FAM174A: variants seen among roughly 807,000 people sequenced by gnomAD.
The protein encoded by FAM174A is family with sequence similarity 174 member A.
A neutral mutation model predicts 14.3 loss-of-function variants in FAM174A; 14 were observed. That is an observed-to-expected ratio of 0.98 (90% CI 0.65 to 1.53). FAM174A has a LOEUF of 1.53. Ranked by LOEUF, FAM174A falls within the 40% of genes most tolerant of loss-of-function variation. FAM174A has a pLI of 0.00. For synonymous variants in FAM174A, 108 were observed against 111.4 expected (o/e 0.97, Z 0.19); for missense variants, 241 against 249.6 (o/e 0.97, Z 0.23).
chr5:100,566,140 T>TTATATATA (rs1580373368), intron 2 of FAM174A, among the ~76,000 whole-genome samples: 3 of 8,078 alleles, frequency 3.7e-4, no homozygotes, highest in Non-Finnish European at 8.3e-4. Context: ...TTGAAAAGTA[T>TTATATATA]GATATATATA....
intron 2 of FAM174A, among the ~76,000 whole-genome samples, chr5:100,571,661 A>AGTGT (rs1408877377): frequency 2.9e-4 from 35 of 120,682 alleles, no homozygotes; most frequent in African/African-American, 1.0e-3. Flanking sequence ...TATATACCTA[A>AGTGT]GTGTGTGTGT....
intron 1 of FAM174A, among the ~76,000 whole-genome samples, chr5:100,558,969 A>G (rs903550350): frequency 1.3e-5 from 2 of 152,016 alleles, no homozygotes; most frequent in Non-Finnish European, 2.9e-5. Context: ...TGTGAATTTG[A>G]TCCTGTCATT....
chr5:100,565,142 T>C (rs1358410845), intron 2 of FAM174A, among the ~76,000 whole-genome samples: 1 of 151,820 alleles, frequency 6.6e-6, no homozygotes, highest in Non-Finnish European at 1.5e-5. Flanking sequence ...TTCAGCAGCA[T>C]ATTAAAATGA....
intron 1 of FAM174A, among the ~76,000 whole-genome samples, chr5:100,555,713 G>T (rs929100644): frequency 1.6e-4 from 24 of 152,174 alleles, no homozygotes; most frequent in Admixed American, 1.4e-3. Flanking sequence ...GTGTGTGTTG[G>T]CTGCATAAAT....
intron 2 of FAM174A, among the ~76,000 whole-genome samples, chr5:100,569,234 T>G (rs1746725590): frequency 6.6e-6 from 1 of 151,908 alleles, no homozygotes; most frequent in South Asian, 2.1e-4. Flanking sequence ...TATTATACTT[T>G]TTTGTTGTAT....
chr5:100,571,051 C>T (rs942184188), intron 2 of FAM174A, among the ~76,000 whole-genome samples: 1 of 151,398 alleles, frequency 6.6e-6, no homozygotes, highest in African/African-American at 2.4e-5. Context: ...TGTCATGGTA[C>T]CCTTCTATAT....
rs1287381922 is a variant in FAM174A, at chr5:100,535,538, C to G, written c.8C>G (p.Ala3Gly). The G allele has an allele frequency of 6.2e-7, 1 of 1,612,804 alleles. No homozygotes were observed. The highest frequency in any genetic ancestry group is 8.5e-7 in the Non-Finnish European group (1 of 1,179,826). MK[A>G]SQCCCCLSHL... is the part of the protein sequence containing the mutation. ...GAGAGCGGTCCGGGAACGATGAAGG[C>G]CTCGCAGTGCTGCTGCTGTCTCAGC... The change falls in exon 1 of 3, where the codon GCC becomes GGC. Residue 3 changes from alanine (A) to glycine (G), a missense_variant. Physicochemically the swap from Ala to Gly is moderately conservative, Grantham distance 60. Transcript: ENST00000312637.
At chr5:100,539,096 C>T (rs1294190310) in intron 1 of FAM174A, among the ~76,000 whole-genome samples, 1 of 151,904 alleles carries the variant, frequency 6.6e-6, no homozygotes, top group African/African-American at 2.4e-5. Context: ...AAAAAAATCT[C>T]TATGCTCTTT....
At position 100,535,497 on chromosome 5, in the gene FAM174A, G is replaced by A. The variant is rs767213808; in HGVS notation, c.-34G>A. 6.2e-7 allele frequency: 1 copy of A among 1,603,966 alleles called. No homozygotes were observed. The highest frequency in any genetic ancestry group is 8.5e-7 in the Non-Finnish European group (1 of 1,174,912). On this transcript the variant is annotated 5_prime_UTR_variant, in exon 1 of 3. Coordinates refer to ENST00000312637, the MANE Select transcript of FAM174A (RefSeq NM_198507.3). ...TTGGAGCCAGCGTGGCGGGCCTGGC[G>A]GCTCCCGGGTGGTGAGAGAGCGGTC...
Position 100,569,204 on chromosome 5 carries a change from G to A in FAM174A, c.569+7016G>A, listed in dbSNP as rs144729497. ...GTTTACCTCATTTCTTACATAAGAT[G>A]TAATATGCTATATATGCTGTATTAT... On this transcript the variant is annotated intron_variant, in intron 2 of 2. Coordinates refer to ENST00000312637, the MANE Select transcript of FAM174A (RefSeq NM_198507.3). Among the ~76,000 whole-genome samples, 88 of 151,782 alleles carry A rather than the reference G, an allele frequency of 5.8e-4. No individual in the cohort carries two copies. The East Asian group carries it at 0.016, about 28-fold the overall frequency.
chr5:100,564,370 G>A (rs1442665320), intron 2 of FAM174A, among the ~76,000 whole-genome samples: 8 of 151,686 alleles, frequency 5.3e-5, no homozygotes, highest in Non-Finnish European at 1.2e-4. Flanking sequence ...CTTATGGGAT[G>A]CAGCAAAAGC....
intron 2 of FAM174A, among the ~76,000 whole-genome samples, chr5:100,566,233 A>T (rs945520879): frequency 1.3e-5 from 2 of 148,450 alleles, no homozygotes; most frequent in African/African-American, 4.9e-5. Flanking sequence ...AGCCTTAAAA[A>T]AAAGAAAATC....
intron 2 of FAM174A, among the ~76,000 whole-genome samples, chr5:100,576,031 A>G (rs905811689): frequency 3.9e-5 from 6 of 152,178 alleles, no homozygotes; most frequent in Non-Finnish European, 8.8e-5. Flanking sequence ...CAGAGAGGCA[A>G]ATGAATTTCC....
intron 1 of FAM174A, among the ~76,000 whole-genome samples, chr5:100,553,414 G>A (rs1310605373): frequency 6.6e-6 from 1 of 152,036 alleles, no homozygotes; most frequent in Non-Finnish European, 1.5e-5. Flanking sequence ...AATACAGCAT[G>A]TGTGTTTTAT....
chr5:100,584,568 C>T (rs889065226), intron 2 of FAM174A, among the ~76,000 whole-genome samples: 3 of 152,108 alleles, frequency 2.0e-5, no homozygotes, highest in Non-Finnish European at 4.4e-5. Context: ...TTTAGATCTT[C>T]CACCTTCCTG....
chr5:100,563,470 C>G (rs1390973764), intron 2 of FAM174A, among the ~76,000 whole-genome samples: 1 of 151,368 alleles, frequency 6.6e-6, no homozygotes, highest in Non-Finnish European at 1.5e-5. Flanking sequence ...TAGTATGACT[C>G]TATCAGAGCA....
chr5:100,543,693 G>A (rs771743583), intron 1 of FAM174A, among the ~76,000 whole-genome samples: 3 of 152,002 alleles, frequency 2.0e-5, no homozygotes, highest in Non-Finnish European at 4.4e-5. Context: ...GGATTCAGAC[G>A]ATTCTCCTGC....
intron 1 of FAM174A, among the ~76,000 whole-genome samples, chr5:100,559,034 G>A (rs1345769482): frequency 3.3e-5 from 5 of 152,056 alleles, no homozygotes; most frequent in African/African-American, 7.2e-5. Context: ...TCCTAGCCTC[G>A]AGGGTCTTTA....
rs529551829 is a variant in FAM174A, at chr5:100,561,759, T to A, written c.435-295T>A. Reference sequence around the variant, plus strand: ...TGACCTAAGCCTTTAAAAATTAAGGTTTAAAGTACGGTACCTGAATTTAAG... The same window carrying A: ...TGACCTAAGCCTTTAAAAATTAAGGATTAAAGTACGGTACCTGAATTTAAG... On this transcript the variant is annotated intron_variant, in intron 1 of 2. Transcript: ENST00000312637. Among the ~76,000 whole-genome samples, 5 of 151,838 alleles carry A rather than the reference T, an allele frequency of 3.3e-5. No homozygotes were observed. The South Asian group carries it at 8.3e-4, about 25-fold the overall frequency.
Sources: allele counts gnomAD v4.1 joint callset (sites outside exome capture counted in the v4.1 genomes callset), GRCh38; gene constraint gnomAD v4.1.1; transcripts MANE v1.5; gene names NCBI Gene and HGNC (gene_info 2026-07-23, HGNC 2026-07-21).